MYO16: variants seen among roughly 807,000 people sequenced by gnomAD.
MYO16 encodes unconventional myosin-XVI.
MYO16 carries 94 observed loss-of-function variants against 205.3 expected under a neutral mutation model. The observed-to-expected ratio is 0.46, with a 90% CI of 0.39 to 0.54. The LOEUF is 0.54. Ranked by LOEUF, MYO16 falls within the 20% of genes least tolerant of loss-of-function variation. The pLI is 0.00. For missense variants in MYO16, 2,315 were observed against 2,387.5 expected (o/e 0.97, Z 0.63); for synonymous variants, 988 against 954.0 (o/e 1.04, Z -0.66).
the MYO16 span, among the ~76,000 whole-genome samples, chr13:108,519,082 AATTGT>A: frequency 6.6e-6 from 1 of 152,192 alleles, no homozygotes; most frequent in African/African-American, 2.4e-5. Context: ...AAAAAAAAGA[AATTGT>A]ATTATGTGGA....
intron 15 of MYO16, among the ~76,000 whole-genome samples, chr13:108,905,735 T>A (rs1359171772): frequency 6.7e-6 from 1 of 150,336 alleles, no homozygotes. Flanking sequence ...TTTGATGATA[T>A]TGTTTCCTTT....
At chr13:109,033,382 C>T (rs889100706) in intron 23 of MYO16, among the ~76,000 whole-genome samples, 6 of 152,138 alleles carry the variant, frequency 3.9e-5, no homozygotes, top group African/African-American at 1.2e-4. Context: ...TGTCAGACTT[C>T]GTCGTCCCAC....
chr13:108,764,221 A>G (rs1323960349), intron 4 of MYO16, among the ~76,000 whole-genome samples: 2 of 152,214 alleles, frequency 1.3e-5, no homozygotes, highest in Non-Finnish European at 2.9e-5. Flanking sequence ...TTATAATAGG[A>G]AAAGAATGTT....
At chr13:108,779,269 G>C (rs72668541) in intron 4 of MYO16, among the ~76,000 whole-genome samples, 5,076 of 152,184 alleles carry the variant, frequency 0.033, 250 homozygotes, top group East Asian at 0.24. Flanking sequence ...AAGGTGTCTT[G>C]TTAGCATCCA....
intron 5 of MYO16, 23 bp from the exon 6 acceptor site, chr13:108,793,493 T>C: frequency 6.2e-7 from 1 of 1,611,000 alleles, no homozygotes; most frequent in Non-Finnish European, 8.5e-7. Context: ...CCATTCTGGT[T>C]GAAAGGCTCT....
the MYO16 span, among the ~76,000 whole-genome samples, chr13:108,562,221 A>G: frequency 6.6e-6 from 1 of 152,174 alleles, no homozygotes; most frequent in African/African-American, 2.4e-5. Context: ...CTCACATGAC[A>G]AATAAAGCAT....
At position 109,052,482 on chromosome 13, in the gene MYO16, G is replaced by A. The variant is rs780560871; in HGVS notation, c.3048+7G>A. 1.3e-6 allele frequency: 2 copies of A among 1,561,092 alleles called. No individual in the cohort carries two copies. The highest frequency in any genetic ancestry group is 1.2e-5 in the South Asian group (1 of 84,870). ...TTATCTAGAACTTAGTAAGGTAGGA[G>A]TTTTTATGATTATTGTTGGATTATT... On this transcript the variant is annotated splice_region_variant and intron_variant, in intron 25 of 34. Coordinates refer to ENST00000457511, the MANE Select transcript of MYO16 (RefSeq NM_001198950.3).
the MYO16 span, among the ~76,000 whole-genome samples, chr13:108,558,952 G>T: frequency 6.6e-6 from 1 of 151,210 alleles, no homozygotes; most frequent in Non-Finnish European, 1.5e-5. Flanking sequence ...TCTTCACACA[G>T]ATCAATGAAG....
chr13:109,060,175 A>G (rs940593663), intron 27 of MYO16, among the ~76,000 whole-genome samples: 7 of 152,192 alleles, frequency 4.6e-5, no homozygotes, highest in African/African-American at 1.7e-4. Flanking sequence ...TGCTATAAAG[A>G]CACATTCACA....
intron 32 of MYO16, among the ~76,000 whole-genome samples, chr13:109,158,937 C>G (rs58167127): frequency 0.018 from 2,668 of 152,276 alleles, 90 homozygotes; most frequent in African/African-American, 0.061. Context: ...ACGGGTCAAC[C>G]CACTGTGCCC....
At chr13:109,101,864 G>A (rs1286242542) in intron 28 of MYO16, 1 of 152,140 alleles carries the variant, frequency 6.6e-6, no homozygotes, top group African/African-American at 2.4e-5. Context: ...TAATTGATGA[G>A]TCAAAGGATG....
chr13:108,891,359 C>T (rs1160318480), intron 14 of MYO16, among the ~76,000 whole-genome samples: 1 of 152,054 alleles, frequency 6.6e-6, no homozygotes, highest in Admixed American at 6.6e-5. Context: ...TTTTTCATTC[C>T]AGTGTAGGGA....
At chr13:108,840,091 T>C (rs1453976219) in intron 9 of MYO16, among the ~76,000 whole-genome samples, 1 of 152,204 alleles carries the variant, frequency 6.6e-6, no homozygotes, top group Admixed American at 6.5e-5. Flanking sequence ...ACATCAAACA[T>C]GGTAGTTTTA....
chr13:108,827,885 A>G (rs1159407919), intron 9 of MYO16, among the ~76,000 whole-genome samples: 1 of 152,184 alleles, frequency 6.6e-6, no homozygotes, highest in East Asian at 1.9e-4. Context: ...CAGTTTGGAT[A>G]TGTGCCAACT....
intron 7 of MYO16, among the ~76,000 whole-genome samples, chr13:108,810,673 G>C (rs1407293918): frequency 6.6e-6 from 1 of 150,876 alleles, no homozygotes; most frequent in African/African-American, 2.4e-5. Context: ...AACTCTCTCT[G>C]AAGAAATTTG....
At chr13:108,964,722 C>A in intron 19 of MYO16, 39 bp from the exon 20 acceptor site, 2 of 1,604,930 alleles carry the variant, frequency 1.2e-6, no homozygotes, top group Non-Finnish European at 1.7e-6. Flanking sequence ...AATGAGGGAA[C>A]CCTTGTGCTC....
intron 22 of MYO16, among the ~76,000 whole-genome samples, chr13:109,014,453 T>C (rs1264896906): frequency 6.6e-6 from 1 of 152,204 alleles, no homozygotes; most frequent in African/African-American, 2.4e-5. Context: ...ATGCGGGCTC[T>C]TTTTTGGTTC....
intron 24 of MYO16, chr13:109,048,609 C>G: frequency 2.8e-6 from 1 of 352,716 alleles, no homozygotes. Flanking sequence ...CATGATTGCT[C>G]ACTCACTCTA....
chr13:108,792,721 A>G (rs1886654844), intron 5 of MYO16, among the ~76,000 whole-genome samples: 1 of 152,064 alleles, frequency 6.6e-6, no homozygotes, highest in African/African-American at 2.4e-5. Context: ...TATGTTGGCC[A>G]GGCTGGTCTT....
Sources: allele counts gnomAD v4.1 joint callset (sites outside exome capture counted in the v4.1 genomes callset), GRCh38; gene constraint gnomAD v4.1.1; transcripts MANE v1.5; gene names NCBI Gene and HGNC (gene_info 2026-07-23, HGNC 2026-07-21).